PATL2: variants seen among roughly 807,000 people sequenced by gnomAD.
PATL2 encodes protein PAT1 homolog 2.
Under a neutral mutation model 77.0 loss-of-function variants are expected in PATL2, and 73 were observed. The ratio of observed to expected loss-of-function variants is 0.95; its 90% CI spans 0.78 to 1.15. PATL2 has a LOEUF of 1.15. PATL2 is among the 50% of genes most tolerant of loss of function. The pLI is 0.00. For synonymous variants in PATL2, 265 were observed against 257.1 expected (o/e 1.03, Z -0.29); for missense variants, 618 against 655.4 (o/e 0.94, Z 0.62).
chr15:44,707,662 C>G (rs894059397), intron 3 of PATL2, among the ~76,000 whole-genome samples: 1 of 152,152 alleles, frequency 6.6e-6, no homozygotes, highest in Non-Finnish European at 1.5e-5. Flanking sequence ...AAAGAAGTCT[C>G]TCTCTGAGCT....
chr15:44,666,037 T>C, intron 17 of PATL2, 66 bp from the exon 18 acceptor site: 3 of 1,375,852 alleles, frequency 2.2e-6, no homozygotes, highest in Non-Finnish European at 3.0e-6. Context: ...ATGATTTAAT[T>C]AGTATCTGAC....
intron 5 of PATL2, 79 bp downstream of exon 5, chr15:44,675,407 G>A: frequency 7.0e-7 from 1 of 1,427,278 alleles, no homozygotes; most frequent in African/African-American, 1.4e-5. Flanking sequence ...GTAGAAAAGA[G>A]AAGAGGAATG....
At chr15:44,666,297 G>T (rs2085364903) in intron 17 of PATL2, 95 bp downstream of exon 17, 1 of 1,437,268 alleles carries the variant, frequency 7.0e-7, no homozygotes, top group South Asian at 1.2e-5. Flanking sequence ...GATCCTTCAT[G>T]CTCATAATTT....
intron 14 of PATL2, 28 bp from the exon 15 acceptor site, chr15:44,668,510 A>G: frequency 6.5e-7 from 1 of 1,545,160 alleles, no homozygotes; most frequent in South Asian, 1.2e-5. Context: ...AGCACCTCCC[A>G]AATTCCACTA....
chr15:44,676,604 CAGTA>C, intron 3 of PATL2, 39 bp from the exon 4 acceptor site: 1 of 1,486,588 alleles, frequency 6.7e-7, no homozygotes, highest in South Asian at 1.2e-5. Flanking sequence ...CATCCTCAGT[CAGTA>C]AGGATGACAT....
At chr15:44,666,569 A>T (rs1054826425) in intron 16 of PATL2, 28 bp from the exon 17 acceptor site, 2 of 1,484,206 alleles carry the variant, frequency 1.3e-6, no homozygotes, top group Non-Finnish European at 1.8e-6. Flanking sequence ...AAATATAAGC[A>T]AATAGATTTG....
At position 44,711,150 on chromosome 15, in the gene PATL2, C is replaced by T. The variant is rs1028865144; in HGVS notation, c.-384G>A. 1.6e-5 allele frequency: 6 copies of T among 386,510 alleles called. No homozygotes were observed. Among genetic ancestry groups the T allele is most frequent in the Non-Finnish European group, 2.5e-5 (5 of 203,882 alleles). The allele number at this position is 386,510 out of a possible 1,614,324, so 23.9% of individuals were successfully genotyped here. ...TTTTCTCGAATGAAAAATGCAGGTCCGAGCAGTTAACTGGCTGGGGCACCA... is the reference window on the plus strand; with the variant it reads ...TTTTCTCGAATGAAAAATGCAGGTCTGAGCAGTTAACTGGCTGGGGCACCA... On this transcript the variant is annotated 5_prime_UTR_variant, in exon 1 of 18. Transcript: ENST00000682850.
Position 44,703,723 on chromosome 15 carries a change from C to CTTTTTTTTTT in PATL2, c.-76+6363_-76+6372dup, listed in dbSNP as rs933165876. Among the ~76,000 whole-genome samples the CTTTTTTTTTT allele has an allele frequency of 2.1e-4, 7 of 33,012 alleles. 1 individual carries two copies. Among genetic ancestry groups the CTTTTTTTTTT allele is most frequent in the Middle Eastern group, 0.033 (1 of 30 alleles). 21.7% of individuals were successfully genotyped at this position (33,012 alleles called of 152,430 possible). ...GTAGGCAACAAATCACCGGGTCTTGCTTTTTTTTTTTTTTTTTTTTTTTTT... is the reference window on the plus strand; with the variant it reads ...GTAGGCAACAAATCACCGGGTCTTGCTTTTTTTTTTTTTTTTTTTTTTTTTTTTTTTTTTT... On this transcript the variant is annotated intron_variant, in intron 3 of 17. Transcript: ENST00000682850.
intron 3 of PATL2, among the ~76,000 whole-genome samples, chr15:44,698,674 G>A (rs2086564738): frequency 6.6e-6 from 1 of 152,118 alleles, no homozygotes; most frequent in Non-Finnish European, 1.5e-5. Flanking sequence ...TCCAAATCTT[G>A]ACTATTTTGA....
At position 44,672,404 on chromosome 15, in the gene PATL2, G is replaced by A. The variant is rs1368245903; in HGVS notation, c.499C>T (p.His167Tyr). 1 of 1,550,872 alleles carries A rather than the reference G, an allele frequency of 6.4e-7. No homozygotes were observed. Among genetic ancestry groups the A allele is most frequent in the Non-Finnish European group, 8.7e-7 (1 of 1,146,468 alleles). Residue 167 changes from histidine (H) to tyrosine (Y), a missense_variant, in exon 8 of 18, where the codon CAT becomes TAT. Coordinates refer to ENST00000682850, the MANE Select transcript of PATL2 (RefSeq NM_001387263.1). The stretch of plus-strand genomic sequence containing the variant: ...GGGCTTTACCTTGGTGTTTGACTAT[G>A]CTGCTGCTGCTGCAAGATTCGTTGG... ...RHQRILQQQQ[H>Y]SQTPSPPAKK...
chr15:44,671,950 G>A (rs564939209), intron 9 of PATL2, 65 bp downstream of exon 9: 47 of 1,531,670 alleles, frequency 3.1e-5, no homozygotes, highest in African/African-American at 9.6e-5. Flanking sequence ...GGATCAGAGC[G>A]GGCCCGGGAG....
chr15:44,675,167 G>A (rs1392197655), intron 5 of PATL2: 2 of 291,574 alleles, frequency 6.9e-6, no homozygotes, highest in African/African-American at 2.2e-5. Flanking sequence ...TACCAGGAAT[G>A]GACTACTGAG....
At chr15:44,701,224 G>C (rs2086622303) in intron 3 of PATL2, among the ~76,000 whole-genome samples, 1 of 151,408 alleles carries the variant, frequency 6.6e-6, no homozygotes, top group African/African-American at 2.4e-5. Flanking sequence ...GTATGTTGCT[G>C]AGGATTTTTG....
chr15:44,698,701 C>T (rs775070586), intron 3 of PATL2, among the ~76,000 whole-genome samples: 8 of 152,244 alleles, frequency 5.3e-5, no homozygotes, highest in Non-Finnish European at 1.0e-4. Context: ...CTGCAATAAA[C>T]ATGAAAATGC....
intron 3 of PATL2, among the ~76,000 whole-genome samples, chr15:44,704,030 C>A (rs1348304324): frequency 6.6e-6 from 1 of 151,612 alleles, no homozygotes; most frequent in Non-Finnish European, 1.5e-5. Context: ...GCTTTGTCAC[C>A]CAGGCTGGAG....
Position 44,707,414 on chromosome 15 carries a change from T to C in PATL2, c.-76+2682A>G, listed in dbSNP as rs541510884. ...GTACTACCTGGCTACTTCTGATTATTCAGGGCCAAAGGGCTCTTTAGTCAG... is the reference window on the plus strand; with the variant it reads ...GTACTACCTGGCTACTTCTGATTATCCAGGGCCAAAGGGCTCTTTAGTCAG... On this transcript the variant is annotated intron_variant, in intron 3 of 17. Coordinates refer to ENST00000682850, the MANE Select transcript of PATL2 (RefSeq NM_001387263.1). Among the ~76,000 whole-genome samples the C allele has an allele frequency of 4.7e-4, 72 of 152,244 alleles. 2 individuals carry two copies. The South Asian group carries it at 0.015, about 31-fold the overall frequency.
intron 14 of PATL2, 141 bp from the exon 15 acceptor site, chr15:44,668,623 C>T: frequency 9.3e-7 from 1 of 1,076,940 alleles, no homozygotes; most frequent in Non-Finnish European, 1.3e-6. Context: ...ACCACTATGA[C>T]TCTCCATCCC....
intron 16 of PATL2, 175 bp from the exon 17 acceptor site, chr15:44,666,716 C>T: frequency 1.6e-6 from 1 of 613,058 alleles, no homozygotes; most frequent in Non-Finnish European, 2.7e-6. Context: ...GTGCTTTACA[C>T]ATTTCCCTTC....
intron 3 of PATL2, among the ~76,000 whole-genome samples, chr15:44,697,147 C>T (rs144503611): frequency 8.5e-5 from 13 of 152,068 alleles, no homozygotes; most frequent in African/African-American, 2.7e-4. Context: ...CCTCCTCCCT[C>T]TTCCTCTTCC....
Sources: allele counts gnomAD v4.1 joint callset (sites outside exome capture counted in the v4.1 genomes callset), GRCh38; gene constraint gnomAD v4.1.1; transcripts MANE v1.5; gene names NCBI Gene and HGNC (gene_info 2026-07-23, HGNC 2026-07-21).